The following PPFIA3 variants were observed in gnomAD, a reference collection of about 807,000 sequenced individuals.
PPFIA3 encodes PPFI scaffold protein A3.
A neutral mutation model predicts 145.8 loss-of-function variants in PPFIA3; 26 were observed. That is an observed-to-expected ratio of 0.18 (90% CI 0.13 to 0.25). PPFIA3 has a LOEUF of 0.25. Among genes scored for constraint, PPFIA3 ranks in the 10% least tolerant of loss-of-function variants. The probability of loss-of-function intolerance (pLI) is 1.00; values close to 1 mark genes in which losing one functional copy is unlikely to be tolerated. For synonymous variants in PPFIA3, 645 were observed against 661.4 expected (o/e 0.98, Z 0.38); for missense variants, 1,008 against 1,587.8 (o/e 0.63, Z 6.21).
Position 49,141,598 on chromosome 19 carries a change from A to T in PPFIA3, c.2462+85A>T, listed in dbSNP as rs961197119. On this transcript the variant is annotated intron_variant, in intron 19 of 29. Transcript: ENST00000334186. ...TGTGTGTGTGCGTGTATGTGTGTGT[A>T]TGAGTGTGTGTGTGTGTGAGAGGGT... is the stretch of plus-strand genomic sequence containing the variant. The T allele has an allele frequency of 2.3e-4, 240 of 1,064,418 alleles. 1 individual carries two copies. The highest frequency in any genetic ancestry group is 2.1e-4 in the Middle Eastern group (1 of 4,842). The allele number at this position is 1,064,418 out of a possible 1,614,324, so 65.9% of individuals were successfully genotyped here. A position where few individuals can be genotyped will look rare whatever the true frequency, so the allele number is the denominator to read the frequency against.
chr19:49,143,808 T>A (rs377522822), intron 21 of PPFIA3, among the ~76,000 whole-genome samples: 3 of 152,234 alleles, frequency 2.0e-5, no homozygotes, highest in East Asian at 1.9e-4. Context: ...GGAGTACAGG[T>A]TGAGTGTCCC....
At chr19:49,134,812 G>A (rs770910956) in intron 12 of PPFIA3, 24 bp from the exon 13 acceptor site, 43 of 1,603,376 alleles carry the variant, frequency 2.7e-5, no homozygotes, top group African/African-American at 6.7e-5. Context: ...ATTCTAACCC[G>A]ACACCTCCAA....
At chr19:49,144,005 TTTTTA>T (rs967817180) in intron 21 of PPFIA3, among the ~76,000 whole-genome samples, 8 of 138,638 alleles carry the variant, frequency 5.8e-5, no homozygotes, top group South Asian at 2.3e-4. Flanking sequence ...TTATTTTTTA[TTTTTA>T]TTTTATTTTT....
At chr19:49,146,372 G>T (rs1156559074) in intron 23 of PPFIA3, 180 bp downstream of exon 23, 2 of 738,120 alleles carry the variant, frequency 2.7e-6, no homozygotes, top group African/African-American at 3.5e-5. Context: ...AGGGTAGAGG[G>T]GATGCGATGT....
chr19:49,131,312 G>A (rs542142709), intron 7 of PPFIA3, among the ~76,000 whole-genome samples: 24 of 147,230 alleles, frequency 1.6e-4, no homozygotes, highest in Non-Finnish European at 1.9e-4. Context: ...GGGACTACAG[G>A]TGTGCACCAC....
chr19:49,129,967 C>T, intron 5 of PPFIA3, 26 bp from the exon 6 acceptor site: 4 of 1,612,334 alleles, frequency 2.5e-6, no homozygotes, highest in Non-Finnish European at 3.4e-6. Context: ...AGCCCCTGTG[C>T]TCTGATTCCC....
chr19:49,133,018 A>G lies in PPFIA3; in HGVS notation c.897A>G (p.Glu299=). 1 of 1,611,778 alleles carries G rather than the reference A, an allele frequency of 6.2e-7. No individual in the cohort carries two copies. The highest frequency in any genetic ancestry group is 8.5e-7 in the Non-Finnish European group (1 of 1,179,586). ...CTCCGCAGGCGCTGGCGCAGCGGGAAGATATGGAGGAGCGGATTACAACAC... is the reference window on the plus strand; with the variant it reads ...CTCCGCAGGCGCTGGCGCAGCGGGAGGATATGGAGGAGCGGATTACAACAC... ...RDLKEALAQR[E]DMEERITTLE... The change falls in exon 8 of 30, where the codon GAA becomes GAG. Residue 299 remains glutamate (E), a synonymous_variant. Transcript: ENST00000334186. The surrounding 1 kb of genome is among the most constrained non-coding windows in gnomAD (Gnocchi z 7.2).
Position 49,120,185 on chromosome 19 carries a change from C to T in PPFIA3, c.-16+463C>T, listed in dbSNP as rs1600317336. ...GGCGGCCGCCCTGGACACAGGCCCGCTCTGGAGCTGTCCATGGTCAGCGCG... is the reference window on the plus strand; with the variant it reads ...GGCGGCCGCCCTGGACACAGGCCCGTTCTGGAGCTGTCCATGGTCAGCGCG... On this transcript the variant is annotated intron_variant, in intron 1 of 29. Transcript: ENST00000334186. The surrounding 1 kb of genome is among the most constrained non-coding windows in gnomAD (Gnocchi z 4.6). Among the ~76,000 whole-genome samples the T allele has an allele frequency of 6.6e-6, 1 of 152,192 alleles. No homozygotes were observed. The highest frequency in any genetic ancestry group is 1.9e-4 in the East Asian group (1 of 5,148).
chr19:49,145,818 A>T, intron 21 of PPFIA3, 125 bp from the exon 22 acceptor site: 1 of 807,864 alleles, frequency 1.2e-6, no homozygotes, highest in East Asian at 2.5e-5. Context: ...TTTCTCTGTT[A>T]CTGCTTGCCC....
At chr19:49,125,016 G>A (rs2040980237) in intron 1 of PPFIA3, among the ~76,000 whole-genome samples, 1 of 152,042 alleles carries the variant, frequency 6.6e-6, no homozygotes, top group Admixed American at 6.6e-5. Flanking sequence ...GCAGTGAGCC[G>A]AGATCACGCC....
In PPFIA3 at chr19:49,128,738, A is replaced by G. The variant is rs531007740; in HGVS notation, c.343-110A>G. ...TCCTGACCTGTCTCGGTGCTCCTTT[A>G]TATGGCTCCATCTTTTCCTCCATGT... On this transcript the variant is annotated intron_variant, in intron 3 of 29. Transcript: ENST00000334186. The surrounding 1 kb of genome is among the most constrained non-coding windows in gnomAD (Gnocchi z 4.1). 9.0e-7 allele frequency: 1 copy of G among 1,113,706 alleles called. No individual in the cohort carries two copies. Among genetic ancestry groups the G allele is most frequent in the African/African-American group, 1.6e-5 (1 of 62,942 alleles). The allele number at this position is 1,113,706 out of a possible 1,614,324, so 69.0% of individuals were successfully genotyped here.
At position 49,127,854 on chromosome 19, in the gene PPFIA3, C is replaced by G; in HGVS notation, c.-15-5C>G. On this transcript the variant is annotated splice_polypyrimidine_tract_variant and splice_region_variant and intron_variant, in intron 1 of 29. Transcript: ENST00000334186. Reference sequence around the variant, plus strand: ...GGTCTGTTCCTTGCCCTCCCCGCCCCGCAGGCCCGCACCGCCGCCATGATG... The same window carrying G: ...GGTCTGTTCCTTGCCCTCCCCGCCCGGCAGGCCCGCACCGCCGCCATGATG... 1 of 1,589,168 alleles carries G rather than the reference C, an allele frequency of 6.3e-7. No individual in the cohort carries two copies. The highest frequency in any genetic ancestry group is 1.4e-5 in the African/African-American group (1 of 73,740).
At chr19:49,123,483 C>G (rs2040961554) in intron 1 of PPFIA3, among the ~76,000 whole-genome samples, 1 of 151,942 alleles carries the variant, frequency 6.6e-6, no homozygotes. Flanking sequence ...CTCTGTTGCC[C>G]AGGCCAGAGT....
At position 49,130,224 on chromosome 19, in the gene PPFIA3, C is replaced by G. The variant is rs1004424599; in HGVS notation, c.658-154C>G. ...CCTCTGATTCAGGTCACCTAGCGAACTTCTGTGACCTCCTTCACTGACCCC... is the reference window on the plus strand; with the variant it reads ...CCTCTGATTCAGGTCACCTAGCGAAGTTCTGTGACCTCCTTCACTGACCCC... On this transcript the variant is annotated intron_variant, in intron 6 of 29. Transcript: ENST00000334186. This position sits in a 1 kb window ranked among gnomAD's most constrained non-coding sequence, Gnocchi z 4.5. 1.3e-5 allele frequency among the ~76,000 whole-genome samples: 2 copies of G among 152,210 alleles called. No individual in the cohort carries two copies. The highest frequency in any genetic ancestry group is 4.8e-5 in the African/African-American group (2 of 41,460).
Position 49,128,590 on chromosome 19 carries a change from TCTC to T in PPFIA3, c.342+126_342+128del, listed in dbSNP as rs1173791343. ...TTTCCCCCATCTCGCCTTTCTGTCT[TCTC>T]CTCTTCCCTGCTCCCACTTCCTGGC... On this transcript the variant is annotated intron_variant, in intron 3 of 29. Coordinates refer to ENST00000334186, the MANE Select transcript of PPFIA3 (RefSeq NM_003660.4). This position sits in a 1 kb window ranked among gnomAD's most constrained non-coding sequence, Gnocchi z 4.1. 14 of 934,596 alleles carry T rather than the reference TCTC, an allele frequency of 1.5e-5. No homozygotes were observed. Among genetic ancestry groups the T allele is most frequent in the African/African-American group, 6.5e-5 (4 of 61,490 alleles). 57.9% of individuals were successfully genotyped at this position (934,596 alleles called of 1,614,324 possible).
intron 14 of PPFIA3, among the ~76,000 whole-genome samples, chr19:49,136,520 C>T (rs936130416): frequency 2.0e-5 from 3 of 152,052 alleles, no homozygotes; most frequent in Admixed American, 6.5e-5. Flanking sequence ...ACCTGGGAGG[C>T]GTAACCCGAG....
intron 4 of PPFIA3, 119 bp downstream of exon 4, chr19:49,129,131 G>A: frequency 1.7e-6 from 2 of 1,160,656 alleles, no homozygotes; most frequent in Non-Finnish European, 2.4e-6. Context: ...GAAGAATGTT[G>A]ACTGTGATTG....
At chr19:49,141,694 C>T (rs1397466607) in intron 19 of PPFIA3, among the ~76,000 whole-genome samples, 181 bp downstream of exon 19, 1 of 151,450 alleles carries the variant, frequency 6.6e-6, no homozygotes, top group Admixed American at 6.6e-5. Context: ...AGGAGGTGTC[C>T]GTGATCCTGA....
intron 16 of PPFIA3, among the ~76,000 whole-genome samples, 169 bp downstream of exon 16, chr19:49,138,596 G>A (rs1288270235): frequency 2.0e-5 from 3 of 152,178 alleles, no homozygotes; most frequent in African/African-American, 7.2e-5. Context: ...TGAGTCACTG[G>A]GATCTTGAAC....
Sources: allele counts gnomAD v4.1 joint callset (sites outside exome capture counted in the v4.1 genomes callset), GRCh38; gene constraint gnomAD v4.1.1; non-coding constraint Gnocchi (gnomAD v3.1); transcripts MANE v1.5; gene names NCBI Gene and HGNC (gene_info 2026-07-23, HGNC 2026-07-21).